The following SDK2 variants were observed in gnomAD, a reference collection of about 807,000 sequenced individuals.
The protein encoded by SDK2 is sidekick cell adhesion molecule 2.
In SDK2, 105 loss-of-function variants were observed where a neutral mutation model predicts 253.9. The ratio of observed to expected loss-of-function variants is 0.41; its 90% CI spans 0.35 to 0.49. The LOEUF is 0.49. SDK2 is among the 20% of genes least tolerant of loss of function. The pLI is 0.06. For missense variants in SDK2, 2,608 were observed against 3,003.0 expected (o/e 0.87, Z 3.07); for synonymous variants, 1,249 against 1,234.9 (o/e 1.01, Z -0.24).
intron 1 of SDK2, among the ~76,000 whole-genome samples, chr17:73,528,725 A>G (rs762625543): frequency 1.2e-4 from 18 of 152,280 alleles, no homozygotes; most frequent in South Asian, 2.1e-4. Flanking sequence ...GTCACCATCC[A>G]GTACAGCAGA....
chr17:73,368,616 G>C (rs1477952171), intron 36 of SDK2, 23 bp from the exon 37 acceptor site: 8 of 1,527,632 alleles, frequency 5.2e-6, no homozygotes, highest in Non-Finnish European at 7.1e-6. Context: ...AAGGATGTGG[G>C]AGTGAGGGGG....
chr17:73,462,728 C>T (rs900222638), intron 3 of SDK2, among the ~76,000 whole-genome samples: 8 of 152,086 alleles, frequency 5.3e-5, no homozygotes, highest in Non-Finnish European at 1.2e-4. Context: ...TGGATGGAAG[C>T]AGGTAGGGCA....
chr17:73,628,076 A>G, intron 1 of SDK2, among the ~76,000 whole-genome samples: 1 of 151,924 alleles, frequency 6.6e-6, no homozygotes, highest in Admixed American at 6.5e-5. Flanking sequence ...ACAAAACCAA[A>G]CCAAAAAACA....
At chr17:73,460,406 C>CTAT (rs1411497744) in intron 3 of SDK2, among the ~76,000 whole-genome samples, 2 of 152,196 alleles carry the variant, frequency 1.3e-5, no homozygotes, top group Non-Finnish European at 2.9e-5. Context: ...GCTGCCCTTG[C>CTAT]TATTCTCTGT....
At chr17:73,611,315 A>G (rs1020204392) in intron 1 of SDK2, among the ~76,000 whole-genome samples, 4 of 152,094 alleles carry the variant, frequency 2.6e-5, no homozygotes, top group African/African-American at 9.7e-5. Context: ...GGCACTTTCT[A>G]CAGAGAACCA....
chr17:73,338,680 G>A lies in SDK2; in HGVS notation c.6426C>T (p.Asn2142=). 1 of 1,597,504 alleles carries A rather than the reference G, an allele frequency of 6.3e-7. No homozygotes were observed. Among genetic ancestry groups the A allele is most frequent in the South Asian group, 1.1e-5 (1 of 88,836 alleles). Residue 2142 remains asparagine, a synonymous_variant, in exon 45 of 45, where the codon AAC becomes AAT. Coordinates refer to ENST00000392650, the MANE Select transcript of SDK2 (RefSeq NM_001144952.2). This position sits in a 1 kb window ranked among gnomAD's most constrained non-coding sequence, Gnocchi z 5.0. ...SRTPTPQNPP[N]PPSQQSTLYR... ...AGAGGGTGCTCTGCTGACTTGGGGG[G>A]TTAGGGGGGTTCTGGGGCGTTGGAG...
Position 73,508,488 on chromosome 17 carries a change from G to A in SDK2, c.65-891C>T, listed in dbSNP as rs777247336. ...GAGGGAAGGGGAGGGGCTCTAATCC[G>A]TCAAGGAGATACCTGCCTTTTTGTG... On this transcript the variant is annotated intron_variant, in intron 1 of 44. Coordinates refer to ENST00000392650, the MANE Select transcript of SDK2 (RefSeq NM_001144952.2). Among the ~76,000 whole-genome samples, 8 of 152,326 alleles carry A rather than the reference G, an allele frequency of 5.3e-5. 1 individual carries two copies. The East Asian group carries it at 9.7e-4, about 18-fold the overall frequency.
At position 73,415,845 on chromosome 17, in the gene SDK2, G is replaced by A; in HGVS notation, c.2334C>T (p.Tyr778=). ...GCGTCCACTCGGTGACTTTACTGCT[G>A]TAGACCCCCAGCCCAGCGCTGTTGT... The part of the protein sequence containing the change: ...AAYNSAGLGV[Y]SSKVTEWTLQ... Residue 778 remains tyrosine (Y), a synonymous_variant, in exon 17 of 45, where the codon TAC becomes TAT. Transcript: ENST00000392650. 6.4e-7 allele frequency: 1 copy of A among 1,558,246 alleles called. No individual in the cohort carries two copies. The highest frequency in any genetic ancestry group is 8.7e-7 in the Non-Finnish European group (1 of 1,150,734).
chr17:73,480,142 A>T (rs927850197), intron 2 of SDK2, among the ~76,000 whole-genome samples: 1 of 152,220 alleles, frequency 6.6e-6, no homozygotes, highest in Non-Finnish European at 1.5e-5. Context: ...ACCTCGGTTC[A>T]CAGATGAGAA....
intron 3 of SDK2, among the ~76,000 whole-genome samples, chr17:73,470,472 C>T (rs2063641637): frequency 6.6e-6 from 1 of 152,216 alleles, no homozygotes; most frequent in Non-Finnish European, 1.5e-5. Flanking sequence ...AGAGGCCCAG[C>T]CTCAGCTTCC....
At chr17:73,561,249 C>G (rs67747957) in intron 1 of SDK2, among the ~76,000 whole-genome samples, 1 of 152,156 alleles carries the variant, frequency 6.6e-6, no homozygotes, top group Non-Finnish European at 1.5e-5. Context: ...TTGGTAGGGC[C>G]GATGCCTTCC....
rs1293030069 is a variant in SDK2 at position 73,534,636 on chromosome 17, T to C, written c.65-27039A>G. On this transcript the variant is annotated intron_variant, in intron 1 of 44. Transcript: ENST00000392650. The surrounding 1 kb of genome is among the most constrained non-coding windows in gnomAD (Gnocchi z 4.9). ...GAGGGGAGGCAGAGGTCTTGGAGTG[T>C]TGGTGCTGGCTGGCTCTGGTGAGGA... 1.3e-5 allele frequency among the ~76,000 whole-genome samples: 2 copies of C among 152,066 alleles called. No homozygotes were observed. The highest frequency in any genetic ancestry group is 1.3e-4 in the Admixed American group (2 of 15,278).
At chr17:73,433,580 C>T (rs1440762634) in intron 10 of SDK2, among the ~76,000 whole-genome samples, 152 bp downstream of exon 10, 1 of 152,198 alleles carries the variant, frequency 6.6e-6, no homozygotes, top group Admixed American at 6.5e-5. Flanking sequence ...TGAGCCACCG[C>T]GCCCGGCCGA....
chr17:73,469,168 C>A (rs1327242602), intron 3 of SDK2, among the ~76,000 whole-genome samples: 1 of 152,124 alleles, frequency 6.6e-6, no homozygotes. Context: ...TGGTGATGAG[C>A]CCCCAGCCTG....
chr17:73,582,163 C>T (rs1042188712), intron 1 of SDK2, among the ~76,000 whole-genome samples: 5 of 152,082 alleles, frequency 3.3e-5, no homozygotes, highest in African/African-American at 1.2e-4. Context: ...TGGGGGCGCT[C>T]ACCACGCAGG....
At chr17:73,461,390 T>C (rs897466191) in intron 3 of SDK2, among the ~76,000 whole-genome samples, 1 of 152,226 alleles carries the variant, frequency 6.6e-6, no homozygotes, top group African/African-American at 2.4e-5. Flanking sequence ...GTGATGTCTA[T>C]GACAACTGTC....
chr17:73,507,365 C>G (rs570365378), intron 2 of SDK2, 73 bp downstream of exon 2: 427 of 1,454,280 alleles, frequency 2.9e-4, no homozygotes, highest in Middle Eastern at 4.7e-4. Context: ...CAAACCCCCT[C>G]CTCACCATGC....
At chr17:73,510,768 A>G (rs1429377368) in intron 1 of SDK2, among the ~76,000 whole-genome samples, 1 of 152,190 alleles carries the variant, frequency 6.6e-6, no homozygotes, top group Non-Finnish European at 1.5e-5. Flanking sequence ...TGCTGGGATT[A>G]GACGCCTGAG....
chr17:73,350,929 G>C (rs763849663), intron 41 of SDK2, 139 bp from the exon 42 acceptor site: 42 of 855,078 alleles, frequency 4.9e-5, no homozygotes, highest in African/African-American at 1.2e-4. Flanking sequence ...CAGAACCTCT[G>C]TAAGGACAGT....
Sources: allele counts gnomAD v4.1 joint callset (sites outside exome capture counted in the v4.1 genomes callset), GRCh38; gene constraint gnomAD v4.1.1; non-coding constraint Gnocchi (gnomAD v3.1); transcripts MANE v1.5; gene names NCBI Gene and HGNC (gene_info 2026-07-23, HGNC 2026-07-21).